Variants in SLC9B2 observed in about 807,000 individuals in gnomAD.
SLC9B2 encodes sodium/hydrogen exchanger 9B2.
SLC9B2 carries 39 observed loss-of-function variants against 52.2 expected under a neutral mutation model. The ratio of observed to expected loss-of-function variants is 0.75; its 90% confidence interval spans 0.58 to 0.98. SLC9B2 has a LOEUF of 0.98. Ranked by LOEUF, SLC9B2 falls within the 50% of genes least tolerant of loss-of-function variation. SLC9B2 has a pLI of 0.00. For synonymous variants in SLC9B2, 214 were observed against 227.0 expected, an observed-to-expected ratio of 0.94 and a Z score of 0.51; for missense variants, 626 against 637.5, an observed-to-expected ratio of 0.98 and a Z score of 0.19.
chr4:103,021,183 G>T (rs1372639625), downstream of SLC9B2, among the ~76,000 whole-genome samples: 1 of 152,148 alleles, frequency 6.6e-6, no homozygotes, highest in African/African-American at 2.4e-5. Context: ...TGCCTCCAAG[G>T]CACTACTCTT....
At chr4:103,032,618 T>C (rs1331553284) in intron 9 of SLC9B2, among the ~76,000 whole-genome samples, 2 of 152,162 alleles carry the variant, frequency 1.3e-5, no homozygotes, top group Non-Finnish European at 1.5e-5. Flanking sequence ...CATGCACTGG[T>C]GGCCTTAGCT....
Position 103,032,952 on chromosome 4 carries a change from C to T in SLC9B2, c.1147-1144G>A, listed in dbSNP as rs113733701. Among the ~76,000 whole-genome samples, 1,442 of 152,272 alleles carry T rather than the reference C, an allele frequency of 9.5e-3. 9 individuals are homozygous for T. The highest frequency in any genetic ancestry group is 0.013 in the Non-Finnish European group (909 of 67,996). On this transcript the variant is annotated intron_variant, in intron 9 of 11. Coordinates refer to ENST00000394785, the MANE Select transcript of SLC9B2 (RefSeq NM_178833.7). ...CTATTATAGCCATAGGTGCTATTCT[C>T]ATATTCTTTAAGGATGTCTTCACAT... is the stretch of plus-strand genomic sequence containing the variant.
At chr4:103,061,189 G>A (rs1745609443) in intron 3 of SLC9B2, among the ~76,000 whole-genome samples, 1 of 152,120 alleles carries the variant, frequency 6.6e-6, no homozygotes, top group African/African-American at 2.4e-5. Flanking sequence ...AAAACATGCT[G>A]CTATAAAGAC....
chr4:103,032,029 G>A (rs969037347), intron 9 of SLC9B2, among the ~76,000 whole-genome samples: 3 of 152,082 alleles, frequency 2.0e-5, no homozygotes, highest in African/African-American at 4.8e-5. Context: ...ATATTAGTTT[G>A]CACATGGATA....
chr4:103,028,533 C>T (rs1034937648), intron 11 of SLC9B2, among the ~76,000 whole-genome samples: 1 of 152,006 alleles, frequency 6.6e-6, no homozygotes, highest in Non-Finnish European at 1.5e-5. Flanking sequence ...TTTACTTATA[C>T]CCTGGTGATC....
In SLC9B2 at chr4:103,026,103, G is replaced by T; in HGVS notation, c.*267C>A. 1 of 283,120 alleles carries T rather than the reference G, an allele frequency of 3.5e-6. No individual in the cohort carries two copies. The highest frequency in any genetic ancestry group is 6.6e-6 in the Non-Finnish European group (1 of 151,890). The allele number at this position is 283,120 out of a possible 1,614,324, so 17.5% of individuals were successfully genotyped here. A position where few individuals can be genotyped will look rare whatever the true frequency, so the allele number is the denominator to read the frequency against. The stretch of plus-strand genomic sequence containing the variant: ...CTTTCCCACATTAACTGTAAACTGT[G>T]GTAGTACATTAAAGTAGATATGTCC... On this transcript the variant is annotated 3_prime_UTR_variant, in exon 12 of 12. Coordinates refer to ENST00000394785, the MANE Select transcript of SLC9B2 (RefSeq NM_178833.7).
chr4:103,033,047 C>T (rs1201103841), intron 9 of SLC9B2, among the ~76,000 whole-genome samples: 1 of 152,134 alleles, frequency 6.6e-6, no homozygotes, highest in African/African-American at 2.4e-5. Context: ...ATTCCAGTTA[C>T]TATTTGATTT....
At chr4:103,030,259 T>C (rs914406671) in intron 10 of SLC9B2, among the ~76,000 whole-genome samples, 4 of 152,244 alleles carry the variant, frequency 2.6e-5, no homozygotes, top group African/African-American at 4.8e-5. Context: ...AGAAGTTATA[T>C]AGAGCCAGAG....
downstream of SLC9B2, among the ~76,000 whole-genome samples, chr4:103,022,122 T>C (rs970202351): frequency 1.3e-5 from 2 of 152,254 alleles, no homozygotes; most frequent in East Asian, 1.9e-4. Flanking sequence ...TCAAGTTCTA[T>C]TGAAAACCAA....
At chr4:103,026,639 T>C in intron 11 of SLC9B2, 48 bp from the exon 12 acceptor site, 1 of 1,531,244 alleles carries the variant, frequency 6.5e-7, no homozygotes, top group Non-Finnish European at 8.8e-7. Flanking sequence ...GATAAGCACA[T>C]ATAAAAAAAG....
intron 4 of SLC9B2, among the ~76,000 whole-genome samples, chr4:103,057,244 G>GTATATATATATATATATA (rs56742547): frequency 4.4e-5 from 6 of 137,278 alleles, no homozygotes; most frequent in East Asian, 2.2e-4. Context: ...TTAATTTTAA[G>GTATATATATATATATATA]TATATATATA....
Position 103,043,369 on chromosome 4 carries a change from C to T in SLC9B2, c.1073G>A (p.Gly358Asp). Residue 358 changes from glycine (G) to aspartate (D), a missense_variant, in exon 9 of 12, where the codon GGT becomes GAT. Gly to Asp is a moderately conservative substitution (Grantham distance 94, BLOSUM62 -1). Coordinates refer to ENST00000394785, the MANE Select transcript of SLC9B2 (RefSeq NM_178833.7). The part of the protein sequence containing the change: ...VLAVFSSVHF[G>D]FPGSGGLCTL... ...GCACAGTCCTCCTGATCCAGGGAAA[C>T]CAAAATGCACACTGCTGAACACAGC... 5 of 1,613,814 alleles carry T rather than the reference C, an allele frequency of 3.1e-6. No individual in the cohort carries two copies. In the South Asian group the frequency reaches 4.4e-5, roughly 14 times the overall value.
At position 103,048,999 on chromosome 4, in the gene SLC9B2, C is replaced by T. The variant is rs114884197; in HGVS notation, c.607G>A (p.Val203Ile). The T allele has an allele frequency of 3.1e-4, 500 of 1,613,388 alleles. No individual in the cohort carries two copies. The highest frequency in any genetic ancestry group is 5.0e-4 in the Middle Eastern group (3 of 6,060). The stretch of plus-strand genomic sequence containing the variant: ...GGACCCATGGACAGTCTTACACAAA[C>T]GCCCTTTAACTTCTTCAGGGCCTGA... ...DSKALKKLKG[V>I]CVRLSMGPCI... Residue 203 changes from valine to isoleucine, a missense_variant, in exon 6 of 12, where the codon GTT (valine) becomes ATT (isoleucine). Transcript: ENST00000394785.
intron 1 of SLC9B2, among the ~76,000 whole-genome samples, chr4:103,070,243 C>A (rs1746495827): frequency 1.3e-5 from 2 of 152,088 alleles, no homozygotes. Flanking sequence ...AGGAAAATTT[C>A]AAAAATGTTA....
intron 4 of SLC9B2, among the ~76,000 whole-genome samples, chr4:103,055,091 A>G (rs1745009631): frequency 1.3e-5 from 2 of 152,162 alleles, no homozygotes; most frequent in Non-Finnish European, 2.9e-5. Flanking sequence ...CTTTACAGGG[A>G]CATGGATGAA....
At chr4:103,026,966 C>T (rs1742283394) in intron 11 of SLC9B2, among the ~76,000 whole-genome samples, 1 of 152,088 alleles carries the variant, frequency 6.6e-6, no homozygotes, top group Non-Finnish European at 1.5e-5. Context: ...TGGTCTTGAA[C>T]TCCTGGCCTC....
intron 10 of SLC9B2, among the ~76,000 whole-genome samples, chr4:103,029,471 C>T (rs1742511286): frequency 6.6e-6 from 1 of 152,184 alleles, no homozygotes; most frequent in South Asian, 2.1e-4. Flanking sequence ...AGGGAATTAG[C>T]CAATCAGAGC....
chr4:103,064,370 T>C (rs146552782), intron 3 of SLC9B2, among the ~76,000 whole-genome samples: 5 of 152,294 alleles, frequency 3.3e-5, no homozygotes, highest in South Asian at 4.1e-4. Context: ...TGGAGGACAT[T>C]ATGCTAAGTG....
intron 2 of SLC9B2, among the ~76,000 whole-genome samples, chr4:103,067,057 T>G (rs1746201286): frequency 6.6e-6 from 1 of 152,102 alleles, no homozygotes; most frequent in East Asian, 1.9e-4. Context: ...CAACCTGTAT[T>G]ATAAATGCTT....
Sources: gnomAD v4.1 joint callset for allele counts (sites outside exome capture counted in the v4.1 genomes callset) on GRCh38, gnomAD v4.1.1 for gene constraint, MANE v1.5 for transcripts, NCBI Gene and HGNC (gene_info 2026-07-23, HGNC 2026-07-21) for gene names.